Variants in PDZRN4 observed in about 807,000 individuals in gnomAD.
PDZRN4 encodes PDZ domain containing ring finger 4, also known as PDZ domain-containing RING finger protein 4.
PDZRN4 carries 70 observed loss-of-function variants against 99.0 expected under a neutral mutation model. The observed-to-expected ratio is 0.71, with a 90% CI of 0.58 to 0.86. The LOEUF (loss-of-function observed/expected upper bound fraction) is 0.86. Ranked by LOEUF, PDZRN4 falls within the 40% of genes least tolerant of loss-of-function variation. The pLI is 0.00. For synonymous variants in PDZRN4, 551 were observed against 501.6 expected (o/e 1.10, Z -1.32); for missense variants, 1,474 against 1,331.2 (o/e 1.11, Z -1.67).
At chr12:41,404,803 A>C (rs544923488) in intron 3 of PDZRN4, among the ~76,000 whole-genome samples, 2 of 152,260 alleles carry the variant, frequency 1.3e-5, no homozygotes, top group South Asian at 4.1e-4. Context: ...ATGGAACAGA[A>C]CAGAAAACTT....
chr12:41,317,542 G>C (rs982285173), intron 3 of PDZRN4, among the ~76,000 whole-genome samples: 2 of 152,068 alleles, frequency 1.3e-5, no homozygotes, highest in African/African-American at 2.4e-5. Flanking sequence ...TAGCCAAGTT[G>C]ACCCATAAAA....
intron 5 of PDZRN4, among the ~76,000 whole-genome samples, chr12:41,549,077 T>A (rs1458153): frequency 3.3e-5 from 5 of 152,090 alleles, no homozygotes; most frequent in African/African-American, 1.2e-4. Context: ...ATTCTTTCAC[T>A]CTAGTGACAA....
chr12:41,237,294 G>GT (rs750582495), intron 3 of PDZRN4, among the ~76,000 whole-genome samples: 58 of 152,060 alleles, frequency 3.8e-4, no homozygotes, highest in Non-Finnish European at 1.9e-4. Context: ...GTATTTCCTA[G>GT]TTTTTTCTCA....
At chr12:41,353,221 C>A (rs1206223709) in intron 3 of PDZRN4, among the ~76,000 whole-genome samples, 5 of 152,072 alleles carry the variant, frequency 3.3e-5, no homozygotes, top group African/African-American at 4.8e-5. Context: ...TGCACCATAA[C>A]TTAATGGGTT....
At chr12:41,236,957 CATAATAT>C (rs1201232496) in intron 3 of PDZRN4, among the ~76,000 whole-genome samples, 14 of 151,918 alleles carry the variant, frequency 9.2e-5, no homozygotes, top group Admixed American at 2.6e-4. Flanking sequence ...ATGTCTTTTT[CATAATAT>C]TATACTCTAA....
chr12:41,460,048 A>G (rs893454130), intron 3 of PDZRN4: 5 of 1,285,796 alleles, frequency 3.9e-6, no homozygotes, highest in Non-Finnish European at 5.1e-6. Flanking sequence ...GTTCTGCTTC[A>G]TTAAGCTCCT....
At chr12:41,473,370 A>C (rs1381769729) in intron 3 of PDZRN4, 2 of 152,216 alleles carry the variant, frequency 1.3e-5, no homozygotes, top group African/African-American at 4.8e-5. Flanking sequence ...CATACCTGTA[A>C]ATTTAAATGA....
intron 3 of PDZRN4, among the ~76,000 whole-genome samples, chr12:41,487,089 T>A (rs966242563): frequency 5.9e-5 from 9 of 152,174 alleles, no homozygotes; most frequent in Non-Finnish European, 1.3e-4. Context: ...AGTTGACACA[T>A]AATCAACTTT....
intron 3 of PDZRN4, among the ~76,000 whole-genome samples, chr12:41,221,297 C>T (rs959335503): frequency 6.6e-6 from 1 of 152,188 alleles, no homozygotes; most frequent in Admixed American, 6.6e-5. Flanking sequence ...CTCGTCCTAA[C>T]ACAGAAATTA....
chr12:41,324,544 A>C (rs1329019706), intron 3 of PDZRN4, among the ~76,000 whole-genome samples: 1 of 152,130 alleles, frequency 6.6e-6, no homozygotes, highest in Non-Finnish European at 1.5e-5. Flanking sequence ...TCGTTTACAC[A>C]CAGATCTCTA....
chr12:41,316,150 G>C (rs553378725), intron 3 of PDZRN4, among the ~76,000 whole-genome samples: 1 of 152,156 alleles, frequency 6.6e-6, no homozygotes, highest in Non-Finnish European at 1.5e-5. Flanking sequence ...CAACTTGAAT[G>C]CTGTCTCTTT....
chr12:41,376,812 T>A (rs1486956304), intron 3 of PDZRN4, among the ~76,000 whole-genome samples: 1 of 152,192 alleles, frequency 6.6e-6, no homozygotes, highest in East Asian at 1.9e-4. Context: ...AAGACCAGTG[T>A]CAAGGAGTTT....
chr12:41,467,326 A>G (rs1241497911), intron 3 of PDZRN4, among the ~76,000 whole-genome samples: 1 of 152,228 alleles, frequency 6.6e-6, no homozygotes, highest in African/African-American at 2.4e-5. Flanking sequence ...GACTGAAAAT[A>G]TGTGTAATAA....
chr12:41,406,732 A>G (rs894944189), intron 3 of PDZRN4, among the ~76,000 whole-genome samples: 2 of 151,002 alleles, frequency 1.3e-5, no homozygotes, highest in African/African-American at 4.9e-5. Context: ...CAACTCTACT[A>G]CTGTAATCCC....
chr12:41,562,183 G>A (rs1939281507), intron 7 of PDZRN4, among the ~76,000 whole-genome samples: 1 of 152,124 alleles, frequency 6.6e-6, no homozygotes, highest in Non-Finnish European at 1.5e-5. Flanking sequence ...ATTGGAGTAA[G>A]AAAATACAAT....
intron 3 of PDZRN4, among the ~76,000 whole-genome samples, chr12:41,303,082 C>T (rs1208634571): frequency 6.6e-6 from 1 of 151,980 alleles, no homozygotes; most frequent in Non-Finnish European, 1.5e-5. Context: ...TGAGCCGTGG[C>T]ACACATGATC....
intron 3 of PDZRN4, among the ~76,000 whole-genome samples, chr12:41,322,639 C>A (rs1182274746): frequency 6.6e-6 from 1 of 151,418 alleles, no homozygotes; most frequent in Non-Finnish European, 1.5e-5. Flanking sequence ...TACAGGTGCC[C>A]ACCACCACGC....
chr12:41,263,025 A>G (rs888437530), intron 3 of PDZRN4, among the ~76,000 whole-genome samples: 3 of 152,098 alleles, frequency 2.0e-5, no homozygotes, highest in Non-Finnish European at 4.4e-5. Context: ...AATAAAATTT[A>G]CATGGTATAG....
At chr12:41,491,446 T>TGTGAG (rs1235298308) in intron 3 of PDZRN4, among the ~76,000 whole-genome samples, 4 of 152,092 alleles carry the variant, frequency 2.6e-5, no homozygotes, top group South Asian at 4.1e-4. Flanking sequence ...CGCTTGAACC[T>TGTGAG]GTGAGGTGGA....
Sources: allele counts gnomAD v4.1 joint callset (sites outside exome capture counted in the v4.1 genomes callset), GRCh38; gene constraint gnomAD v4.1.1; transcripts MANE v1.5; gene names NCBI Gene and HGNC (gene_info 2026-07-23, HGNC 2026-07-21).